The following LINGO2 variants were observed in gnomAD, a reference collection of about 807,000 sequenced individuals.
LINGO2 encodes leucine rich repeat and Ig domain containing 2.
LINGO2 carries 14 observed loss-of-function variants against 30.6 expected under a neutral mutation model. That is an observed-to-expected ratio of 0.46 (90% CI 0.30 to 0.72). The LOEUF is 0.72. LINGO2 is among the 30% of genes least tolerant of loss of function. The pLI is 0.07. For missense variants in LINGO2, 729 were observed against 751.7 expected (o/e 0.97, Z 0.35); for synonymous variants, 317 against 288.5 (o/e 1.10, Z -1.00).
the LINGO2 span, among the ~76,000 whole-genome samples, chr9:28,783,605 A>G: frequency 6.6e-6 from 1 of 150,620 alleles, no homozygotes; most frequent in Non-Finnish European, 1.5e-5. Flanking sequence ...CTCTTTCTAG[A>G]GGGGAGGGGT....
intron 4 of LINGO2, among the ~76,000 whole-genome samples, chr9:28,224,325 A>G (rs148151922): frequency 6.6e-6 from 1 of 152,144 alleles, no homozygotes; most frequent in Non-Finnish European, 1.5e-5. Context: ...CGGCCTCCCA[A>G]AGTGCCGGGA....
At chr9:29,033,717 G>A in the LINGO2 span, among the ~76,000 whole-genome samples, 9 of 151,958 alleles carry the variant, frequency 5.9e-5, no homozygotes, top group East Asian at 1.9e-4. Flanking sequence ...AAAAAAATAA[G>A]TGTTTCTGAA....
At chr9:29,062,077 T>C in the LINGO2 span, among the ~76,000 whole-genome samples, 1 of 152,070 alleles carries the variant, frequency 6.6e-6, no homozygotes, top group Admixed American at 6.6e-5. Flanking sequence ...ATTTTCAACA[T>C]CTCTAATCAC....
At chr9:28,092,781 T>A (rs1179812753) in intron 4 of LINGO2, among the ~76,000 whole-genome samples, 1 of 151,854 alleles carries the variant, frequency 6.6e-6, no homozygotes, top group Non-Finnish European at 1.5e-5. Flanking sequence ...CCAAGCAGCG[T>A]CTTTCCTTAC....
the LINGO2 span, among the ~76,000 whole-genome samples, chr9:28,728,377 A>C: frequency 6.6e-6 from 1 of 150,448 alleles, no homozygotes; most frequent in South Asian, 2.1e-4. Context: ...TATTATTCAC[A>C]AAAAAATCAA....
chr9:28,887,376 T>G, the LINGO2 span, among the ~76,000 whole-genome samples: 1 of 152,084 alleles, frequency 6.6e-6, no homozygotes, highest in African/African-American at 2.4e-5. Context: ...CTGTTGGCAT[T>G]AGGATGAACT....
chr9:28,781,213 T>C, the LINGO2 span, among the ~76,000 whole-genome samples: 1 of 152,026 alleles, frequency 6.6e-6, no homozygotes, highest in Non-Finnish European at 1.5e-5. Context: ...CCCAAGCCCA[T>C]ATGATCTGAG....
chr9:28,239,086 T>C (rs1221628249), intron 4 of LINGO2, among the ~76,000 whole-genome samples: 1 of 151,964 alleles, frequency 6.6e-6, no homozygotes, highest in African/African-American at 2.4e-5. Context: ...CAAGATTGAA[T>C]AATGAAGAAA....
At chr9:28,785,295 C>T in the LINGO2 span, among the ~76,000 whole-genome samples, 1 of 152,164 alleles carries the variant, frequency 6.6e-6, no homozygotes, top group Non-Finnish European at 1.5e-5. Flanking sequence ...CATCATTGAC[C>T]ATACCTAGGC....
intron 2 of LINGO2, among the ~76,000 whole-genome samples, chr9:28,422,069 G>A (rs9969810): frequency 0.031 from 4,755 of 152,030 alleles, 250 homozygotes; most frequent in African/African-American, 0.11. Context: ...TGAAGAAAAC[G>A]TAGGGGTAAA....
the LINGO2 span, among the ~76,000 whole-genome samples, chr9:29,131,230 AAC>A: frequency 6.6e-6 from 1 of 152,170 alleles, no homozygotes; most frequent in East Asian, 1.9e-4. Flanking sequence ...GGAACAAAAT[AAC>A]AGGTAACTAT....
chr9:28,061,930 T>C (rs889264974), intron 4 of LINGO2, among the ~76,000 whole-genome samples: 4 of 152,088 alleles, frequency 2.6e-5, no homozygotes, highest in Admixed American at 2.0e-4. Flanking sequence ...ATATGATGCA[T>C]TTTTCACAGT....
intron 5 of LINGO2, among the ~76,000 whole-genome samples, chr9:28,000,555 A>G (rs919664796): frequency 1.3e-5 from 2 of 152,162 alleles, no homozygotes; most frequent in Non-Finnish European, 2.9e-5. Context: ...ATGCTTGTCA[A>G]ATGACCAACT....
the LINGO2 span, among the ~76,000 whole-genome samples, chr9:28,884,140 A>C: frequency 1.3e-5 from 2 of 151,798 alleles, no homozygotes; most frequent in Non-Finnish European, 2.9e-5. Flanking sequence ...AAATTAGTTG[A>C]ACAAAGTATA....
At chr9:28,671,560 A>G (rs1829013253), upstream of LINGO2, among the ~76,000 whole-genome samples, 1 of 151,202 alleles carries the variant, frequency 6.6e-6, no homozygotes, top group African/African-American at 2.4e-5. Context: ...CACATACCAC[A>G]TGTTCTCACT....
chr9:28,050,926 A>C (rs1160449519), intron 4 of LINGO2, among the ~76,000 whole-genome samples: 2 of 151,034 alleles, frequency 1.3e-5, no homozygotes, highest in Non-Finnish European at 2.9e-5. Flanking sequence ...AAATATTGAA[A>C]ACACACTGTA....
At chr9:28,279,023 G>A (rs563293648) in intron 4 of LINGO2, among the ~76,000 whole-genome samples, 4 of 152,162 alleles carry the variant, frequency 2.6e-5, no homozygotes, top group African/African-American at 7.2e-5. Flanking sequence ...ACTTTGAAAG[G>A]TTACAGGCTT....
chr9:28,183,483 A>G (rs1194028439), intron 4 of LINGO2, among the ~76,000 whole-genome samples: 1 of 152,178 alleles, frequency 6.6e-6, no homozygotes, highest in African/African-American at 2.4e-5. Flanking sequence ...TCATGTGTGA[A>G]TGAGATCTAG....
At chr9:28,036,669 G>A (rs575106066) in intron 4 of LINGO2, among the ~76,000 whole-genome samples, 1 of 152,300 alleles carries the variant, frequency 6.6e-6, no homozygotes, top group East Asian at 1.9e-4. Flanking sequence ...AACCTGAGTT[G>A]ACTCATAAGT....
Sources: allele counts gnomAD v4.1 joint callset (sites outside exome capture counted in the v4.1 genomes callset), GRCh38; gene constraint gnomAD v4.1.1; transcripts MANE v1.5; gene names NCBI Gene and HGNC (gene_info 2026-07-23, HGNC 2026-07-21).